The following GRID1 variants were observed in gnomAD, a reference collection of about 807,000 sequenced individuals.
The protein encoded by GRID1 is glutamate receptor ionotropic, delta-1.
In GRID1, 28 loss-of-function variants were observed where a neutral mutation model predicts 98.0. The observed-to-expected ratio is 0.29, with a 90% CI of 0.21 to 0.39. GRID1 has a LOEUF of 0.39. GRID1 is among the 10% of genes least tolerant of loss of function. The pLI, the probability that GRID1 is intolerant of heterozygous loss-of-function variation, is 1.00. For synonymous variants in GRID1, 553 were observed against 538.5 expected (o/e 1.03, Z -0.37); for missense variants, 1,111 against 1,340.5 (o/e 0.83, Z 2.67).
At chr10:86,280,145 G>C (rs1281789987) in intron 2 of GRID1, among the ~76,000 whole-genome samples, 1 of 152,194 alleles carries the variant, frequency 6.6e-6, no homozygotes, top group African/African-American at 2.4e-5. Flanking sequence ...CAAGGCTACA[G>C]TGAGCTATGA....
chr10:85,813,829 A>T (rs1422280437), intron 8 of GRID1, among the ~76,000 whole-genome samples: 23 of 151,852 alleles, frequency 1.5e-4, no homozygotes, highest in Non-Finnish European at 5.9e-5. Flanking sequence ...TATATATGAC[A>T]TCTATAATGC....
chr10:86,023,686 T>C (rs1216997907), intron 4 of GRID1, among the ~76,000 whole-genome samples: 1 of 152,088 alleles, frequency 6.6e-6, no homozygotes, highest in Non-Finnish European at 1.5e-5. Flanking sequence ...ACATTCTTCT[T>C]CCTGACTTCT....
chr10:85,619,759 G>A, intron 14 of GRID1, 108 bp downstream of exon 14: 1 of 826,340 alleles, frequency 1.2e-6, no homozygotes, highest in African/African-American at 1.7e-5. Context: ...GGGAAAATAT[G>A]ACGAACAAAG....
At chr10:86,307,441 A>G (rs546361644) in intron 2 of GRID1, among the ~76,000 whole-genome samples, 1 of 152,210 alleles carries the variant, frequency 6.6e-6, no homozygotes, top group Non-Finnish European at 1.5e-5. Context: ...CCAGACATAT[A>G]AAGACAAATA....
chr10:85,715,150 T>C (rs1280814303), intron 12 of GRID1, among the ~76,000 whole-genome samples: 1 of 152,160 alleles, frequency 6.6e-6, no homozygotes, highest in Non-Finnish European at 1.5e-5. Context: ...ACAGTCTCTT[T>C]AGTAAATGAT....
chr10:86,184,240 G>C (rs1380827392), intron 3 of GRID1, among the ~76,000 whole-genome samples: 1 of 152,104 alleles, frequency 6.6e-6, no homozygotes, highest in Non-Finnish European at 1.5e-5. Context: ...AAGAGTGCAA[G>C]TTCTTAATTT....
chr10:86,302,874 C>T (rs1425361960), intron 2 of GRID1, among the ~76,000 whole-genome samples: 1 of 152,200 alleles, frequency 6.6e-6, no homozygotes, highest in Non-Finnish European at 1.5e-5. Context: ...TCAGGCCCTC[C>T]CTGGACCTAG....
intron 4 of GRID1, among the ~76,000 whole-genome samples, chr10:85,934,761 G>A (rs777545358): frequency 1.6e-4 from 25 of 152,164 alleles, no homozygotes; most frequent in Non-Finnish European, 2.9e-4. Flanking sequence ...AGTCACGCTG[G>A]CTGGGGCCAC....
chr10:86,048,547 A>C (rs1843456480), intron 4 of GRID1, among the ~76,000 whole-genome samples: 1 of 152,326 alleles, frequency 6.6e-6, no homozygotes, highest in Non-Finnish European at 1.5e-5. Context: ...TTCAAGGAAA[A>C]GGAGATCCAG....
At position 85,601,391 on chromosome 10, in the gene GRID1, C is replaced by T. The variant is rs1842573527; in HGVS notation, c.*882G>A. ...ACTAACCCCACCTCGCAACTCCCTG[C>T]CCCCATGGACCTTCTTCCAGACCAA... is the stretch of plus-strand genomic sequence containing the variant. On this transcript the variant is annotated 3_prime_UTR_variant, in exon 16 of 16. Coordinates refer to ENST00000327946, the MANE Select transcript of GRID1 (RefSeq NM_017551.3). 6.6e-6 allele frequency: 1 copy of T among 152,304 alleles called. No homozygotes were observed. Among genetic ancestry groups the T allele is most frequent in the Non-Finnish European group, 1.5e-5 (1 of 68,106 alleles). The allele number at this position is 152,304 out of a possible 1,614,324, so 9.4% of individuals were successfully genotyped here.
At chr10:86,007,941 A>G (rs1564648490) in intron 4 of GRID1, among the ~76,000 whole-genome samples, 1 of 152,116 alleles carries the variant, frequency 6.6e-6, no homozygotes, top group Non-Finnish European at 1.5e-5. Context: ...AGATCAACTC[A>G]AAAGACCACA....
chr10:85,824,895 C>T lies in GRID1; in HGVS notation c.1233+29601G>A, dbSNP rs550007955. On this transcript the variant is annotated intron_variant, in intron 8 of 15. Transcript: ENST00000327946. ...GACATTATTTTATTCTCTTTTATGGCTCAGTAGTATGCCACACTATATATA... is the reference window on the plus strand; with the variant it reads ...GACATTATTTTATTCTCTTTTATGGTTCAGTAGTATGCCACACTATATATA... 3.5e-4 allele frequency among the ~76,000 whole-genome samples: 53 copies of T among 152,306 alleles called. 1 individual carries two copies. In the South Asian group the frequency reaches 0.011, roughly 32 times the overall value.
At chr10:85,649,755 C>T (rs1397788102) in intron 12 of GRID1, among the ~76,000 whole-genome samples, 4 of 152,194 alleles carry the variant, frequency 2.6e-5, no homozygotes, top group South Asian at 2.1e-4. Flanking sequence ...GCTCAGGGAA[C>T]GTCTCTGGTT....
chr10:85,922,851 G>A (rs1231312573), intron 4 of GRID1, among the ~76,000 whole-genome samples: 1 of 152,142 alleles, frequency 6.6e-6, no homozygotes, highest in Non-Finnish European at 1.5e-5. Context: ...CCCCTAAAGA[G>A]CGGTTATCAC....
chr10:85,707,426 C>T (rs1841533197), intron 12 of GRID1, among the ~76,000 whole-genome samples: 1 of 152,152 alleles, frequency 6.6e-6, no homozygotes, highest in South Asian at 2.1e-4. Context: ...CCATCTCACA[C>T]CAGTTAGAAT....
chr10:85,725,217 A>G (rs543104694), intron 10 of GRID1, among the ~76,000 whole-genome samples: 7 of 152,238 alleles, frequency 4.6e-5, no homozygotes, highest in African/African-American at 9.6e-5. Flanking sequence ...CCTCATTAAC[A>G]TATTAGCCAG....
intron 2 of GRID1, among the ~76,000 whole-genome samples, chr10:86,220,117 T>G (rs559455336): frequency 6.6e-6 from 1 of 152,268 alleles, no homozygotes; most frequent in South Asian, 2.1e-4. Flanking sequence ...TCTAAAATGC[T>G]AATTCCTCCT....
At chr10:85,774,291 G>T (rs1842306015) in intron 8 of GRID1, among the ~76,000 whole-genome samples, 1 of 152,164 alleles carries the variant, frequency 6.6e-6, no homozygotes, top group South Asian at 2.1e-4. Flanking sequence ...GCTGAAACTG[G>T]ATCCCTTCCT....
chr10:86,105,531 A>G (rs1484753548), intron 4 of GRID1, among the ~76,000 whole-genome samples: 3 of 152,142 alleles, frequency 2.0e-5, no homozygotes, highest in Non-Finnish European at 4.4e-5. Flanking sequence ...TGAGGCACAC[A>G]TCTAGATTGG....
Sources: gnomAD v4.1 joint callset for allele counts (sites outside exome capture counted in the v4.1 genomes callset) on GRCh38, gnomAD v4.1.1 for gene constraint, MANE v1.5 for transcripts, NCBI Gene and HGNC (gene_info 2026-07-23, HGNC 2026-07-21) for gene names.